The following GBE1 variants were observed in gnomAD, a reference collection of about 807,000 sequenced individuals.
GBE1 encodes 1,4-alpha-glucan-branching enzyme.
Under a neutral mutation model 88.8 loss-of-function variants are expected in GBE1, and 70 were observed. The observed-to-expected ratio is 0.79, with a 90% CI of 0.65 to 0.96. The LOEUF (loss-of-function observed/expected upper bound fraction) is 0.96. Among genes scored for constraint, GBE1 ranks in the 40% least tolerant of loss-of-function variants. The pLI is 0.00. For missense variants in GBE1, 872 were observed against 871.0 expected, an observed-to-expected ratio of 1.00 and a Z score of -0.01; for synonymous variants, 284 against 300.1, an observed-to-expected ratio of 0.95 and a Z score of 0.56.
intron 7 of GBE1, among the ~76,000 whole-genome samples, chr3:81,619,689 T>C (rs1328917549): frequency 1.3e-5 from 2 of 152,126 alleles, no homozygotes; most frequent in African/African-American, 4.8e-5. Flanking sequence ...ACATAATTGT[T>C]TTAAAATTAT....
chr3:81,576,575 T>G (rs1023469203), intron 12 of GBE1, among the ~76,000 whole-genome samples: 10 of 152,166 alleles, frequency 6.6e-5, no homozygotes, highest in Non-Finnish European at 1.3e-4. Flanking sequence ...CCTTACGGAG[T>G]GCCCATATTG....
chr3:81,689,263 T>C (rs2053805), intron 2 of GBE1, among the ~76,000 whole-genome samples: 46,084 of 152,064 alleles, frequency 0.3, 7,151 homozygotes, highest in East Asian at 0.45. Flanking sequence ...CAAGTTTCAA[T>C]TTGGATTTTA....
At chr3:81,507,508 G>A (rs768143640) in intron 14 of GBE1, among the ~76,000 whole-genome samples, 26 of 152,170 alleles carry the variant, frequency 1.7e-4, no homozygotes, top group Non-Finnish European at 3.2e-4. Flanking sequence ...AGCTTGCAGT[G>A]AGCCAGGATT....
chr3:81,504,844 G>A (rs140665608), intron 14 of GBE1, among the ~76,000 whole-genome samples: 1 of 152,170 alleles, frequency 6.6e-6, no homozygotes, highest in Non-Finnish European at 1.5e-5. Context: ...GGATTTTGAT[G>A]TAAGAAGTAC....
intron 2 of GBE1, among the ~76,000 whole-genome samples, chr3:81,681,172 T>C (rs1344961458): frequency 1.3e-5 from 2 of 152,208 alleles, no homozygotes; most frequent in South Asian, 2.1e-4. Context: ...TGTAAGAGAA[T>C]TGTGAATGCC....
chr3:81,640,758 A>G (rs1334679762), intron 7 of GBE1, among the ~76,000 whole-genome samples: 1 of 152,036 alleles, frequency 6.6e-6, no homozygotes, highest in Non-Finnish European at 1.5e-5. Context: ...TGACATGTAG[A>G]ATAATACAAA....
intron 12 of GBE1, among the ~76,000 whole-genome samples, chr3:81,541,404 C>A (rs1392932124): frequency 7.1e-6 from 1 of 139,930 alleles, no homozygotes; most frequent in Non-Finnish European, 1.6e-5. Context: ...GAAAAATTCA[C>A]ATGCTTATAA....
chr3:81,701,340 A>G (rs1705683353), intron 2 of GBE1, among the ~76,000 whole-genome samples: 1 of 152,152 alleles, frequency 6.6e-6, no homozygotes, highest in Non-Finnish European at 1.5e-5. Flanking sequence ...AAAGAAAAAT[A>G]TAAGTACTAT....
rs550124359 is a variant in GBE1, at chr3:81,593,855, G to A, written c.1108+53C>T. ...AATAAAAACCAAGACACCAGTAATG[G>A]CTATTGCAGCTTCTGCAATTAACCC... On this transcript the variant is annotated intron_variant, in intron 8 of 15. Transcript: ENST00000429644. 8.8e-6 allele frequency: 7 copies of A among 799,184 alleles called. No homozygotes were observed. In the East Asian group the frequency reaches 2.0e-4, roughly 23 times the overall value. The allele number at this position is 799,184 out of a possible 1,614,324, so 49.5% of individuals were successfully genotyped here.
At chr3:81,670,469 T>C (rs145410323) in intron 3 of GBE1, among the ~76,000 whole-genome samples, 2 of 152,288 alleles carry the variant, frequency 1.3e-5, no homozygotes, top group East Asian at 1.9e-4. Flanking sequence ...CCGACCTCTT[T>C]ACAGATAAAA....
chr3:81,750,283 C>T lies in GBE1; in HGVS notation c.143+11092G>A, dbSNP rs576751999. Among the ~76,000 whole-genome samples the T allele has an allele frequency of 2.4e-4, 36 of 151,826 alleles. No individual in the cohort carries two copies. In the Middle Eastern group the frequency reaches 0.014, roughly 57 times the overall value. ...TACACATCTTAAGCTTTAAAAAGAACAGCACGGAAAGGTACAATGTTAAAG... is the reference window on the plus strand; with the variant it reads ...TACACATCTTAAGCTTTAAAAAGAATAGCACGGAAAGGTACAATGTTAAAG... On this transcript the variant is annotated intron_variant, in intron 1 of 15. Coordinates refer to ENST00000429644, the MANE Select transcript of GBE1 (RefSeq NM_000158.4).
intron 1 of GBE1, among the ~76,000 whole-genome samples, chr3:81,740,083 G>A (rs1706323966): frequency 6.6e-6 from 1 of 152,042 alleles, no homozygotes; most frequent in African/African-American, 2.4e-5. Context: ...AAATCAGCCA[G>A]GAGCAGTGGC....
intron 10 of GBE1, among the ~76,000 whole-genome samples, chr3:81,582,284 G>A (rs1477980465): frequency 1.3e-5 from 2 of 152,056 alleles, no homozygotes; most frequent in African/African-American, 4.8e-5. Context: ...CTAAAAAGCA[G>A]GCATGAGTGT....
chr3:81,615,191 T>G (rs545253371), intron 7 of GBE1, among the ~76,000 whole-genome samples: 1 of 152,260 alleles, frequency 6.6e-6, no homozygotes, highest in African/African-American at 2.4e-5. Context: ...TGCTTTAGAA[T>G]TTGTATGCAA....
At chr3:81,732,249 C>T (rs975154627) in intron 1 of GBE1, among the ~76,000 whole-genome samples, 13 of 151,940 alleles carry the variant, frequency 8.6e-5, no homozygotes, top group African/African-American at 3.1e-4. Context: ...GATGACTGTC[C>T]CTCAAAAATA....
At chr3:81,512,264 A>G (rs891776330) in intron 14 of GBE1, among the ~76,000 whole-genome samples, 1 of 151,784 alleles carries the variant, frequency 6.6e-6, no homozygotes, top group Non-Finnish European at 1.5e-5. Context: ...TACCTGGCTG[A>G]TAGGATCATT....
intron 14 of GBE1, among the ~76,000 whole-genome samples, chr3:81,508,197 T>A (rs935156830): frequency 6.6e-6 from 1 of 152,212 alleles, no homozygotes; most frequent in African/African-American, 2.4e-5. Context: ...AATAGGACAT[T>A]TATTCTAAAT....
chr3:81,639,122 C>G (rs2107051756), intron 7 of GBE1, among the ~76,000 whole-genome samples: 1 of 152,022 alleles, frequency 6.6e-6, no homozygotes, highest in Non-Finnish European at 1.5e-5. Context: ...GGAACAAACT[C>G]AAAATTACAG....
chr3:81,655,800 C>A (rs1704930875), intron 3 of GBE1, among the ~76,000 whole-genome samples: 1 of 151,984 alleles, frequency 6.6e-6, no homozygotes, highest in African/African-American at 2.4e-5. Flanking sequence ...GATTACAGGG[C>A]TGAGCCACCA....
Sources: gnomAD v4.1 joint callset for allele counts (sites outside exome capture counted in the v4.1 genomes callset) on GRCh38, gnomAD v4.1.1 for gene constraint, MANE v1.5 for transcripts, NCBI Gene and HGNC (gene_info 2026-07-23, HGNC 2026-07-21) for gene names.